Variants in PRKCB observed in about 807,000 individuals in gnomAD.
The protein encoded by PRKCB is protein kinase C beta type.
In PRKCB, 13 loss-of-function variants were observed where a neutral mutation model predicts 81.5. That is an observed-to-expected ratio of 0.16 (90% CI 0.10 to 0.25). The LOEUF (loss-of-function observed/expected upper bound fraction) is 0.25. PRKCB is among the 10% of genes least tolerant of loss of function. The probability of loss-of-function intolerance (pLI) is 1.00; values close to 1 mark genes in which losing one functional copy is unlikely to be tolerated. For synonymous variants in PRKCB, 335 were observed against 321.4 expected (o/e 1.04, Z -0.45); for missense variants, 509 against 875.7 (o/e 0.58, Z 5.29).
At chr16:24,173,637 C>T (rs58576231) in intron 11 of PRKCB, among the ~76,000 whole-genome samples, 4,709 of 152,298 alleles carry the variant, frequency 0.031, 256 homozygotes, top group African/African-American at 0.11. Flanking sequence ...CAAGACATGT[C>T]AAGACACTTT....
chr16:24,154,996 G>T, intron 10 of PRKCB, 139 bp downstream of exon 10: 1 of 1,054,252 alleles, frequency 9.5e-7, no homozygotes, highest in Non-Finnish European at 1.3e-6. Context: ...GCCCAGGGAA[G>T]TCAGCTGAGA....
At chr16:24,050,052 G>C (rs1463761485) in intron 5 of PRKCB, among the ~76,000 whole-genome samples, 1 of 152,174 alleles carries the variant, frequency 6.6e-6, no homozygotes, top group Non-Finnish European at 1.5e-5. Flanking sequence ...TTGAGCTGCT[G>C]ACATAGATAT....
chr16:23,979,848 C>T (rs1006879355), intron 2 of PRKCB, among the ~76,000 whole-genome samples: 5 of 152,098 alleles, frequency 3.3e-5, no homozygotes, highest in Admixed American at 6.5e-5. Context: ...TAACGAGGAC[C>T]GAAGGCAGGA....
chr16:24,019,674 G>A (rs1221492523), intron 3 of PRKCB, among the ~76,000 whole-genome samples: 1 of 151,880 alleles, frequency 6.6e-6, no homozygotes, highest in Non-Finnish European at 1.5e-5. Context: ...TGAGGCAGGA[G>A]GATTGTTTGA....
Position 24,218,867 on chromosome 16 carries a change from C to A in PRKCB, c.*4051C>A. 1.0e-6 allele frequency: 1 copy of A among 985,450 alleles called. No homozygotes were observed. The highest frequency in any genetic ancestry group is 1.2e-6 in the Non-Finnish European group (1 of 829,958). The allele number at this position is 985,450 out of a possible 1,614,324, so 61.0% of individuals were successfully genotyped here. On this transcript the variant is annotated 3_prime_UTR_variant, in exon 17 of 17. Coordinates refer to ENST00000643927, the MANE Select transcript of PRKCB (RefSeq NM_002738.7). ...TAAAACAGCCATGGGGTTGTCCCTC[C>A]AGTCCGAGAGACTGTGATGAGGCCT...
At chr16:24,123,242 C>T (rs928825329) in intron 8 of PRKCB, among the ~76,000 whole-genome samples, 17 of 152,104 alleles carry the variant, frequency 1.1e-4, no homozygotes, top group Non-Finnish European at 2.5e-4. Context: ...GCCATTTGTA[C>T]CACAGTAGCA....
chr16:24,189,616 T>G lies in PRKCB; in HGVS notation c.1723-1474T>G, dbSNP rs1230353250. Among the ~76,000 whole-genome samples, 16 of 131,276 alleles carry G rather than the reference T, an allele frequency of 1.2e-4. No individual in the cohort carries two copies. In the Admixed American group the frequency reaches 1.4e-3, roughly 11 times the overall value. The allele number at this position is 131,276 out of a possible 152,430, so 86.1% of individuals were successfully genotyped here. A position where few individuals can be genotyped will look rare whatever the true frequency, so the allele number is the denominator to read the frequency against. ...GAGATCGCGCCTCTGCACTCCAGCC[T>G]GGGTGACAGAGTGAGACTCCGTCTC... On this transcript the variant is annotated intron_variant, in intron 15 of 16. Transcript: ENST00000643927.
chr16:24,101,003 G>T (rs1222852665), intron 7 of PRKCB, among the ~76,000 whole-genome samples: 2 of 152,134 alleles, frequency 1.3e-5, no homozygotes, highest in African/African-American at 4.8e-5. Context: ...TCCCAGTCTG[G>T]GTTGCACCAG....
intron 3 of PRKCB, among the ~76,000 whole-genome samples, chr16:24,001,748 A>G (rs546282137): frequency 1.3e-5 from 2 of 152,330 alleles, no homozygotes; most frequent in African/African-American, 2.4e-5. Context: ...CTGTTCATTT[A>G]AAATTGTACC....
chr16:23,947,227 C>T (rs1596483247), intron 2 of PRKCB, among the ~76,000 whole-genome samples: 1 of 152,360 alleles, frequency 6.6e-6, no homozygotes, highest in East Asian at 1.9e-4. Flanking sequence ...GCAGCTTCAA[C>T]TTACTCTGCT....
intron 3 of PRKCB, among the ~76,000 whole-genome samples, chr16:23,989,021 A>G (rs1964839293): frequency 1.3e-5 from 2 of 151,870 alleles, no homozygotes; most frequent in Non-Finnish European, 2.9e-5. Context: ...AGTGCAGTGG[A>G]GCAATCTCAG....
At chr16:23,975,612 C>T (rs986288009) in intron 2 of PRKCB, among the ~76,000 whole-genome samples, 7 of 152,200 alleles carry the variant, frequency 4.6e-5, no homozygotes, top group African/African-American at 4.8e-5. Flanking sequence ...ACTGAAACTC[C>T]TAGGTGCATT....
intron 9 of PRKCB, among the ~76,000 whole-genome samples, chr16:24,140,377 G>T (rs1465824287): frequency 6.6e-6 from 1 of 152,164 alleles, no homozygotes; most frequent in Non-Finnish European, 1.5e-5. Flanking sequence ...CACCCGGTGG[G>T]ATCTTCTTGC....
chr16:23,854,985 A>T (rs1390952422), intron 2 of PRKCB, among the ~76,000 whole-genome samples: 3 of 152,214 alleles, frequency 2.0e-5, no homozygotes, highest in Non-Finnish European at 4.4e-5. Context: ...GGATACGGCC[A>T]GGACTTAGTG....
intron 9 of PRKCB, among the ~76,000 whole-genome samples, chr16:24,128,106 G>C (rs977544894): frequency 1.5e-5 from 2 of 134,734 alleles, no homozygotes; most frequent in African/African-American, 5.6e-5. Context: ...GCCAGGTGCG[G>C]TGGTTTGCGC....
At chr16:23,991,487 G>A (rs1417695868) in intron 3 of PRKCB, among the ~76,000 whole-genome samples, 1 of 152,160 alleles carries the variant, frequency 6.6e-6, no homozygotes, top group African/African-American at 2.4e-5. Flanking sequence ...ACTGAAACTT[G>A]ATACTCAACT....
At chr16:23,905,738 G>T (rs1963549478) in intron 2 of PRKCB, among the ~76,000 whole-genome samples, 1 of 152,194 alleles carries the variant, frequency 6.6e-6, no homozygotes. Flanking sequence ...CAGTGCTTAG[G>T]ACATTGTAGG....
chr16:24,060,430 AAGGT>A (rs1331008167), intron 5 of PRKCB, among the ~76,000 whole-genome samples: 1 of 152,154 alleles, frequency 6.6e-6, no homozygotes, highest in Non-Finnish European at 1.5e-5. Flanking sequence ...TCCCTAGTCT[AAGGT>A]AGGTACCCCT....
rs145788363 is a variant in PRKCB at position 23,993,145 on chromosome 16, G to A, written c.288+4555G>A. ...AGATGCACTGTGTGACCCACGGGGA[G>A]GTATGCTATACCCCAAAAGAACTAT... On this transcript the variant is annotated intron_variant, in intron 3 of 16. Transcript: ENST00000643927. Among the ~76,000 whole-genome samples the A allele has an allele frequency of 1.6e-4, 25 of 152,186 alleles. No individual in the cohort carries two copies. The East Asian group carries it at 4.6e-3, about 28-fold the overall frequency.
Sources: allele counts gnomAD v4.1 joint callset (sites outside exome capture counted in the v4.1 genomes callset), GRCh38; gene constraint gnomAD v4.1.1; transcripts MANE v1.5; gene names NCBI Gene and HGNC (gene_info 2026-07-23, HGNC 2026-07-21).